The following SLC26A8 variants were observed in gnomAD, a reference collection of about 807,000 sequenced individuals.
The protein encoded by SLC26A8 is testis anion transporter 1.
SLC26A8 carries 70 observed loss-of-function variants against 105.0 expected under a neutral mutation model. The ratio of observed to expected loss-of-function variants is 0.67; its 90% CI spans 0.55 to 0.81. SLC26A8 has a LOEUF of 0.81. Among genes scored for constraint, SLC26A8 ranks in the 40% least tolerant of loss-of-function variants. SLC26A8 has a pLI of 0.00. For missense variants in SLC26A8, 998 were observed against 1,181.8 expected (o/e 0.84, Z 2.28); for synonymous variants, 415 against 438.3 (o/e 0.95, Z 0.66).
At chr6:35,970,640 C>A (rs148832529) in intron 10 of SLC26A8, among the ~76,000 whole-genome samples, 1 of 152,176 alleles carries the variant, frequency 6.6e-6, no homozygotes, top group Non-Finnish European at 1.5e-5. Flanking sequence ...AAATCTATAT[C>A]AGGCCTTTTC....
intron 7 of SLC26A8, chr6:35,989,969 G>T (rs746155843): frequency 2.9e-5 from 3 of 102,820 alleles, no homozygotes; most frequent in Non-Finnish European, 5.2e-5. Flanking sequence ...ACGGAGTCTC[G>T]CTCTTTCACC....
intron 10 of SLC26A8, among the ~76,000 whole-genome samples, chr6:35,972,387 G>A (rs894049001): frequency 3.5e-5 from 5 of 143,982 alleles, no homozygotes; most frequent in African/African-American, 1.1e-4. Flanking sequence ...GTGAGACCCT[G>A]TCTCTGAAAA....
intron 2 of SLC26A8, among the ~76,000 whole-genome samples, chr6:36,015,430 T>C (rs1168817340): frequency 5.3e-5 from 8 of 152,128 alleles, no homozygotes; most frequent in Non-Finnish European, 1.0e-4. Flanking sequence ...CTCTCAAGCA[T>C]TGTGCTGTGC....
chr6:35,992,726 G>A, intron 5 of SLC26A8, 52 bp from the exon 6 acceptor site: 3 of 1,498,178 alleles, frequency 2.0e-6, no homozygotes, highest in Non-Finnish European at 2.7e-6. Flanking sequence ...ATCCAGCAAT[G>A]GCACCAATGG....
intron 3 of SLC26A8, among the ~76,000 whole-genome samples, chr6:36,002,842 T>C (rs1761564165): frequency 6.6e-6 from 1 of 152,088 alleles, no homozygotes; most frequent in East Asian, 1.9e-4. Flanking sequence ...TAGCTGGGAC[T>C]ATAGGCGCAC....
intron 10 of SLC26A8, among the ~76,000 whole-genome samples, chr6:35,973,091 C>T (rs1772860386): frequency 6.6e-6 from 1 of 152,210 alleles, no homozygotes; most frequent in South Asian, 2.1e-4. Flanking sequence ...ATTCTGCACT[C>T]AATTTTCCTT....
chr6:35,962,699 A>C, intron 11 of SLC26A8, 78 bp from the exon 12 acceptor site: 1 of 1,368,744 alleles, frequency 7.3e-7, no homozygotes, highest in Non-Finnish European at 1.0e-6. Flanking sequence ...GGAATCACAA[A>C]AAGTTAGCCT....
Position 35,958,671 on chromosome 6 carries a change from T to TG in SLC26A8, c.1863+788dup, listed in dbSNP as rs1475192071. ...CCATTAGAATGTATGGGAACAAGAG[T>TG]GGATGCTCAGGGTTTTGCAAGCACC... is the stretch of plus-strand genomic sequence containing the variant. On this transcript the variant is annotated intron_variant, in intron 16 of 19. Transcript: ENST00000490799. Among the ~76,000 whole-genome samples, 5 of 150,626 alleles carry TG rather than the reference T, an allele frequency of 3.3e-5. No individual in the cohort carries two copies. In the East Asian group the frequency reaches 5.8e-4, roughly 18 times the overall value.
chr6:35,991,278 C>T (rs983226003), intron 7 of SLC26A8, among the ~76,000 whole-genome samples: 2 of 151,946 alleles, frequency 1.3e-5, no homozygotes, highest in African/African-American at 2.4e-5. Flanking sequence ...GTGGCACACA[C>T]CTGTAATTCC....
In SLC26A8 at chr6:35,948,582, C is replaced by G. The variant is rs1465718595; in HGVS notation, c.2472+2581G>C. ...CCAGACTGGGCGACAAAGTGAGACT[C>G]TGTCTCAAAAAACAAAAACAAAAAC... is the stretch of plus-strand genomic sequence containing the variant. On this transcript the variant is annotated intron_variant, in intron 19 of 19. Coordinates refer to ENST00000490799, the MANE Select transcript of SLC26A8 (RefSeq NM_052961.4). Among the ~76,000 whole-genome samples, 2 of 151,784 alleles carry G rather than the reference C, an allele frequency of 1.3e-5. 1 individual carries two copies. Among genetic ancestry groups the G allele is most frequent in the Non-Finnish European group, 2.9e-5 (2 of 67,972 alleles).
chr6:35,996,361 T>C (rs956838741), intron 5 of SLC26A8, among the ~76,000 whole-genome samples: 4 of 152,154 alleles, frequency 2.6e-5, no homozygotes, highest in African/African-American at 2.4e-5. Context: ...AGATGAACTT[T>C]TGGTGATAGA....
chr6:35,995,241 T>C (rs1476686181), intron 5 of SLC26A8, among the ~76,000 whole-genome samples: 1 of 152,216 alleles, frequency 6.6e-6, no homozygotes, highest in Non-Finnish European at 1.5e-5. Context: ...GAACTCTTTC[T>C]TGCCCACTGT....
chr6:35,944,414 T>A, intron 19 of SLC26A8, 74 bp from the exon 20 acceptor site: 1 of 1,037,494 alleles, frequency 9.6e-7, no homozygotes, highest in Non-Finnish European at 1.4e-6. Flanking sequence ...CTCATACCTG[T>A]AATCCCAGCA....
At chr6:35,994,948 G>A (rs1170325995) in intron 5 of SLC26A8, among the ~76,000 whole-genome samples, 1 of 152,172 alleles carries the variant, frequency 6.6e-6, no homozygotes, top group Admixed American at 6.5e-5. Flanking sequence ...ATGGTTCCTG[G>A]GCTTGGAGAA....
intron 17 of SLC26A8, 63 bp from the exon 18 acceptor site, chr6:35,951,562 T>C: frequency 1.3e-6 from 2 of 1,565,782 alleles, no homozygotes; most frequent in South Asian, 2.2e-5. Context: ...GCCTTCTAAT[T>C]AGCTAAGTTT....
intron 16 of SLC26A8, among the ~76,000 whole-genome samples, chr6:35,956,428 CAAAAAAAAAAAA>C (rs56146863): frequency 9.4e-6 from 1 of 105,886 alleles, no homozygotes; most frequent in Non-Finnish European, 1.9e-5. Context: ...ACCTTATGTC[CAAAAAAAAAAAA>C]AAAAAAAAAA....
intron 11 of SLC26A8, among the ~76,000 whole-genome samples, chr6:35,965,266 T>TATTTATTGAAAATGAGC (rs1772463180): frequency 6.6e-6 from 1 of 152,224 alleles, no homozygotes; most frequent in African/African-American, 2.4e-5. Context: ...TGAGCATGTT[T>TATTTATTGAAAATGAGC]ACTTTTATAA....
chr6:35,944,149 G>A lies in SLC26A8; in HGVS notation c.2664C>T (p.Pro888=). The change falls in exon 20 of 20, where the codon CCC becomes CCT. Residue 888 remains proline (P), a synonymous_variant. Coordinates refer to ENST00000490799, the MANE Select transcript of SLC26A8 (RefSeq NM_052961.4). The part of the protein sequence containing the change: ...LDRELEPEME[P]KAETETKTQT... ...GGGTCTTGGTCTCGGTCTCAGCCTTGGGCTCCATTTCAGGCTCCAGCTCCC... is the reference window on the plus strand; with the variant it reads ...GGGTCTTGGTCTCGGTCTCAGCCTTAGGCTCCATTTCAGGCTCCAGCTCCC... 6.2e-7 allele frequency: 1 copy of A among 1,614,064 alleles called. No individual in the cohort carries two copies. Among genetic ancestry groups the A allele is most frequent in the Non-Finnish European group, 8.5e-7 (1 of 1,180,024 alleles).
chr6:35,956,141 T>C (rs935935564), intron 16 of SLC26A8, among the ~76,000 whole-genome samples: 16 of 152,148 alleles, frequency 1.1e-4, no homozygotes, highest in African/African-American at 3.9e-4. Flanking sequence ...AGTGAGCCTG[T>C]AGCCCCACCT....
Sources: gnomAD v4.1 joint callset for allele counts (sites outside exome capture counted in the v4.1 genomes callset) on GRCh38, gnomAD v4.1.1 for gene constraint, MANE v1.5 for transcripts, NCBI Gene and HGNC (gene_info 2026-07-23, HGNC 2026-07-21) for gene names.